The following SLC8A1 variants were observed in gnomAD, a reference collection of about 807,000 sequenced individuals.
SLC8A1 encodes sodium/calcium exchanger 1.
A neutral mutation model predicts 68.3 loss-of-function variants in SLC8A1; 18 were observed. That is an observed-to-expected ratio of 0.26 (90% CI 0.18 to 0.39). The LOEUF (loss-of-function observed/expected upper bound fraction) is 0.39. Among genes scored for constraint, SLC8A1 ranks in the 10% least tolerant of loss-of-function variants. The probability of loss-of-function intolerance (pLI) is 1.00; values close to 1 mark genes in which losing one functional copy is unlikely to be tolerated. For synonymous variants in SLC8A1, 475 were observed against 415.5 expected, an observed-to-expected ratio of 1.14 and a Z score of -1.74; for missense variants, 985 against 1,156.7, an observed-to-expected ratio of 0.85 and a Z score of 2.15.
intron 7 of SLC8A1, among the ~76,000 whole-genome samples, 187 bp downstream of exon 10, chr2:40,139,214 C>T (rs897943297): frequency 2.0e-5 from 3 of 152,158 alleles, no homozygotes; most frequent in South Asian, 4.2e-4. Flanking sequence ...ATGACACTGA[C>T]CGGCTTTTGA....
chr2:40,132,205 C>G (rs576106859), intron 7 of SLC8A1, among the ~76,000 whole-genome samples: 4 of 151,874 alleles, frequency 2.6e-5, no homozygotes, highest in Non-Finnish European at 5.9e-5. Flanking sequence ...AAAAATAAGT[C>G]CAAGATGGCA....
At chr2:40,392,217 G>T (rs1270665686) in intron 2 of SLC8A1, among the ~76,000 whole-genome samples, 1 of 151,150 alleles carries the variant, frequency 6.6e-6, no homozygotes, top group Non-Finnish European at 1.5e-5. Flanking sequence ...AAAAGAAAAA[G>T]AAAAGAGAAA....
At chr2:40,293,344 A>G (rs2149240310) in intron 2 of SLC8A1, among the ~76,000 whole-genome samples, 1 of 152,336 alleles carries the variant, frequency 6.6e-6, no homozygotes, top group East Asian at 1.9e-4. Context: ...TTTAAAAAAT[A>G]AAAGTAAATA....
At chr2:40,195,284 T>C (rs189153436) in intron 2 of SLC8A1, among the ~76,000 whole-genome samples, 5 of 152,164 alleles carry the variant, frequency 3.3e-5, no homozygotes, top group Non-Finnish European at 5.9e-5. Flanking sequence ...AAGTATCTGG[T>C]AAATGAAAGA....
At position 40,122,197 on chromosome 2, in the gene SLC8A1, T is replaced by TGCGC. The variant is rs58019753; in HGVS notation, c.2438-6572_2438-6569dup. Among the ~76,000 whole-genome samples, 806 of 116,114 alleles carry TGCGC rather than the reference T, an allele frequency of 6.9e-3. 12 individuals are homozygous for TGCGC. Among genetic ancestry groups the TGCGC allele is most frequent in the Middle Eastern group, 0.022 (4 of 186 alleles). 76.2% of individuals were successfully genotyped at this position (116,114 alleles called of 152,430 possible). On this transcript the variant is annotated intron_variant, in intron 7 of 7. Coordinates refer to ENST00000406785, the Ensembl canonical transcript of SLC8A1. ...CCTCTCTTTCTCTCTCACAAGTGCA[T>TGCGC]GCGCGCGCGCACACACACACACACA...
chr2:40,311,511 ATGT>A (rs1204256327), intron 2 of SLC8A1, among the ~76,000 whole-genome samples: 7 of 152,116 alleles, frequency 4.6e-5, no homozygotes. Context: ...GTTTAGTAAC[ATGT>A]TGAGTGAAAT....
chr2:40,176,581 A>C (rs1262681450), intron 3 of SLC8A1, among the ~76,000 whole-genome samples: 1 of 152,094 alleles, frequency 6.6e-6, no homozygotes, highest in Non-Finnish European at 1.5e-5. Flanking sequence ...AAATACTCCA[A>C]ATACTCCATC....
intron 2 of SLC8A1, among the ~76,000 whole-genome samples, chr2:40,266,560 G>A (rs2065379147): frequency 2.6e-5 from 4 of 152,128 alleles, no homozygotes; most frequent in South Asian, 2.1e-4. Flanking sequence ...AGAATGATGC[G>A]TAATGATGCC....
intron 2 of SLC8A1, among the ~76,000 whole-genome samples, chr2:40,376,225 G>A (rs1276923145): frequency 6.6e-6 from 1 of 151,982 alleles, no homozygotes; most frequent in Non-Finnish European, 1.5e-5. Flanking sequence ...CCAACCTTAA[G>A]CATCTAACAA....
intron 2 of SLC8A1, among the ~76,000 whole-genome samples, chr2:40,300,279 A>G (rs2071206751): frequency 6.6e-6 from 1 of 152,154 alleles, no homozygotes; most frequent in African/African-American, 2.4e-5. Flanking sequence ...TCTTACTGCA[A>G]TCCTATAAAG....
chr2:40,472,446 C>T (rs540603798), intron 1 of SLC8A1, among the ~76,000 whole-genome samples: 3 of 152,170 alleles, frequency 2.0e-5, no homozygotes, highest in Admixed American at 6.5e-5. Flanking sequence ...CCAATTATCA[C>T]AACCCTATCT....
chr2:40,184,777 C>T (rs946718354), intron 2 of SLC8A1, among the ~76,000 whole-genome samples: 14 of 151,818 alleles, frequency 9.2e-5, no homozygotes, highest in East Asian at 1.9e-4. Context: ...GGACTGACCA[C>T]GCATGAACCT....
chr2:40,371,603 A>C (rs1488605723), intron 2 of SLC8A1, among the ~76,000 whole-genome samples: 1 of 152,162 alleles, frequency 6.6e-6, no homozygotes, highest in African/African-American at 2.4e-5. Context: ...CAACTTGCAC[A>C]TAGTGAATGC....
chr2:40,236,375 G>T (rs551315658), intron 2 of SLC8A1, among the ~76,000 whole-genome samples: 3 of 152,178 alleles, frequency 2.0e-5, no homozygotes, highest in African/African-American at 7.2e-5. Context: ...TGTCTCTTTT[G>T]ATCTTTGTTG....
At chr2:40,124,097 G>A (rs1472031079) in intron 7 of SLC8A1, among the ~76,000 whole-genome samples, 3 of 152,156 alleles carry the variant, frequency 2.0e-5, no homozygotes, top group East Asian at 3.8e-4. Context: ...ACATAGGTTC[G>A]CCTGTCTTGC....
At chr2:40,357,182 A>T (rs577858367) in intron 2 of SLC8A1, among the ~76,000 whole-genome samples, 100 of 152,138 alleles carry the variant, frequency 6.6e-4, no homozygotes, top group Non-Finnish European at 1.3e-3. Context: ...AACATTCAAA[A>T]ATATATTTAT....
chr2:40,358,533 C>T (rs1053552125), intron 2 of SLC8A1, among the ~76,000 whole-genome samples: 3 of 152,154 alleles, frequency 2.0e-5, no homozygotes, highest in African/African-American at 7.2e-5. Flanking sequence ...AATTTTAAAA[C>T]CTAATCCAGT....
chr2:40,228,456 C>T (rs1379220041), intron 2 of SLC8A1, among the ~76,000 whole-genome samples: 1 of 152,182 alleles, frequency 6.6e-6, no homozygotes, highest in Non-Finnish European at 1.5e-5. Context: ...GAGGCAGCTG[C>T]AGCTGTCTAC....
intron 2 of SLC8A1, among the ~76,000 whole-genome samples, chr2:40,359,461 C>T (rs915385790): frequency 6.6e-6 from 1 of 152,066 alleles, no homozygotes; most frequent in Non-Finnish European, 1.5e-5. Context: ...CAATGAGAAG[C>T]ATTGGGAGGC....
Sources: allele counts gnomAD v4.1 joint callset (sites outside exome capture counted in the v4.1 genomes callset), GRCh38; gene constraint gnomAD v4.1.1; transcripts MANE v1.5; gene names NCBI Gene and HGNC (gene_info 2026-07-23, HGNC 2026-07-21).